GOLGA2: variants seen among roughly 807,000 people sequenced by gnomAD.
The protein encoded by GOLGA2 is golgin subfamily A member 2.
Under a neutral mutation model 148.8 loss-of-function variants are expected in GOLGA2, and 49 were observed. That is an observed-to-expected ratio of 0.33 (90% confidence interval 0.26 to 0.42). GOLGA2 has a LOEUF of 0.42. Among genes scored for constraint, GOLGA2 ranks in the 10% least tolerant of loss-of-function variants. The pLI is 1.00. For missense variants in GOLGA2, 1,178 were observed against 1,304.6 expected (o/e 0.90, Z 1.49); for synonymous variants, 501 against 511.8 (o/e 0.98, Z 0.28).
chr9:128,275,484 G>T, intron 1 of GOLGA2: 1 of 1,305,012 alleles, frequency 7.7e-7, no homozygotes. Flanking sequence ...GGTCCGGTTT[G>T]GGGCGGCAGG....
chr9:128,258,434 G>A lies in GOLGA2; in HGVS notation c.2289+21C>T. On this transcript the variant is annotated intron_variant, in intron 22 of 26. Transcript: ENST00000611957. The surrounding 1 kb of genome is among the most constrained non-coding windows in gnomAD (Gnocchi z 6.6). The stretch of plus-strand genomic sequence containing the variant: ...CCACAGAGGGAGGCAGCAAAGGTTG[G>A]GGAGGGGGAGTCAGCCTCACCATGG... 3 of 1,596,412 alleles carry A rather than the reference G, an allele frequency of 1.9e-6. No homozygotes were observed. The highest frequency in any genetic ancestry group is 1.1e-5 in the South Asian group (1 of 90,542).
intron 12 of GOLGA2, 46 bp from the exon 13 acceptor site, chr9:128,263,138 C>A: frequency 8.0e-7 from 1 of 1,246,324 alleles, no homozygotes; most frequent in Non-Finnish European, 1.2e-6. Flanking sequence ...GGCAGAGGAG[C>A]AGCTGGCCAA....
In GOLGA2 at chr9:128,266,192, G is replaced by T; in HGVS notation, c.681+95C>A. The T allele has an allele frequency of 7.2e-7, 1 of 1,379,684 alleles. No homozygotes were observed. 85.5% of individuals were successfully genotyped at this position (1,379,684 alleles called of 1,614,324 possible). A position where few individuals can be genotyped will look rare whatever the true frequency, so the allele number is the denominator to read the frequency against. ...CTGGGGGGGTGAGCCTTCTTCCCCAGGCTGGGAGTGGGTGAGACGAGACTG... is the reference window on the plus strand; with the variant it reads ...CTGGGGGGGTGAGCCTTCTTCCCCATGCTGGGAGTGGGTGAGACGAGACTG... On this transcript the variant is annotated intron_variant, in intron 9 of 26. Coordinates refer to ENST00000611957, the MANE Select transcript of GOLGA2 (RefSeq NM_001366244.2). This position sits in a 1 kb window ranked among gnomAD's most constrained non-coding sequence, Gnocchi z 4.2.
In GOLGA2 at chr9:128,266,189, C is replaced by A; in HGVS notation, c.681+98G>T. 1 of 1,389,280 alleles carries A rather than the reference C, an allele frequency of 7.2e-7. No individual in the cohort carries two copies. The highest frequency in any genetic ancestry group is 1.2e-5 in the South Asian group (1 of 86,528). The allele number at this position is 1,389,280 out of a possible 1,614,324, so 86.1% of individuals were successfully genotyped here. A position where few individuals can be genotyped will look rare whatever the true frequency, so the allele number is the denominator to read the frequency against. ...AATCTGGGGGGGTGAGCCTTCTTCC[C>A]CAGGCTGGGAGTGGGTGAGACGAGA... On this transcript the variant is annotated intron_variant, in intron 9 of 26. Coordinates refer to ENST00000611957, the MANE Select transcript of GOLGA2 (RefSeq NM_001366244.2). This position sits in a 1 kb window ranked among gnomAD's most constrained non-coding sequence, Gnocchi z 4.2.
At position 128,260,583 on chromosome 9, in the gene GOLGA2, G is replaced by A; in HGVS notation, c.1640C>T (p.Ala547Val). The A allele has an allele frequency of 7.4e-6, 12 of 1,611,572 alleles. No homozygotes were observed. The highest frequency in any genetic ancestry group is 2.2e-5 in the South Asian group (2 of 91,074). ...CATGGTCTCCAGGATTTGCCTGCGCGCCTCCGCCTGCTCCCCCCAGAGCTC... is the reference window on the plus strand; with the variant it reads ...CATGGTCTCCAGGATTTGCCTGCGCACCTCCGCCTGCTCCCCCCAGAGCTC... ...AAELWGEQAEARRQILETMQN... is the reference protein window; with the variant it reads ...AAELWGEQAEVRRQILETMQN... The change falls in exon 18 of 27, where the codon GCG (alanine) becomes GTG (valine). Residue 547 changes from alanine to valine, a missense_variant. Coordinates refer to ENST00000611957, the MANE Select transcript of GOLGA2 (RefSeq NM_001366244.2). This position sits in a 1 kb window ranked among gnomAD's most constrained non-coding sequence, Gnocchi z 4.8.
chr9:128,257,323 C>G lies in GOLGA2; in HGVS notation c.2876-42G>C. The G allele has an allele frequency of 6.2e-7, 1 of 1,612,630 alleles. No individual in the cohort carries two copies. Among genetic ancestry groups the G allele is most frequent in the Non-Finnish European group, 8.5e-7 (1 of 1,179,632 alleles). On this transcript the variant is annotated intron_variant, in intron 26 of 26. Transcript: ENST00000611957. This position sits in a 1 kb window ranked among gnomAD's most constrained non-coding sequence, Gnocchi z 8.0. ...GCAGGGCTCTGAGTGCCACGCGAGC[C>G]CTCCCTTACTCCTGCCTGCCCACCC...
intron 5 of GOLGA2, 37 bp from the exon 6 acceptor site, chr9:128,268,034 G>GC (rs758858176): frequency 6.2e-7 from 1 of 1,604,730 alleles, no homozygotes; most frequent in Non-Finnish European, 8.5e-7. Flanking sequence ...GGTGCAGGTG[G>GC]CTCAATGGGA....
rs765163529 is a variant in GOLGA2, at chr9:128,260,203, AGCAATCAGCG to A, written c.1759-24_1759-15del. The A allele has an allele frequency of 4.4e-6, 7 of 1,578,360 alleles. No individual in the cohort carries two copies. In the African/African-American group the frequency reaches 9.4e-5, roughly 21 times the overall value. On this transcript the variant is annotated splice_polypyrimidine_tract_variant and intron_variant, in intron 18 of 26. Transcript: ENST00000611957. This position sits in a 1 kb window ranked among gnomAD's most constrained non-coding sequence, Gnocchi z 4.8. ...GTTCTCATTAGTCTGGACAGAGAGA[AGCAATCAGCG>A]GCCACCCACTGCAGCTGGAGACCCC...
At chr9:128,267,630 C>T in intron 6 of GOLGA2, 113 bp from the exon 7 acceptor site, 4 of 819,076 alleles carry the variant, frequency 4.9e-6, no homozygotes, top group Non-Finnish European at 8.3e-6. Flanking sequence ...CTTGGACCCT[C>T]TGTCCCGTAA....
At chr9:128,275,587 C>T (rs1831281656) in intron 1 of GOLGA2, 1 of 1,030,946 alleles carries the variant, frequency 9.7e-7, no homozygotes, top group African/African-American at 1.7e-5. Flanking sequence ...GGTCCTAGGT[C>T]CTTGGAGACG....
rs1373459698 is a variant in GOLGA2, at chr9:128,260,781, G to T, written c.1442C>A (p.Pro481His). The T allele has an allele frequency of 1.2e-6, 2 of 1,608,364 alleles. No homozygotes were observed. Among genetic ancestry groups the T allele is most frequent in the Non-Finnish European group, 8.5e-7 (1 of 1,177,484 alleles). ...CTCCACCTCGGAGGGCCCTGCTGGGGGCTCTGGGGGCGGGGGTTCAGCTGA... is the reference window on the plus strand; with the variant it reads ...CTCCACCTCGGAGGGCCCTGCTGGGTGCTCTGGGGGCGGGGGTTCAGCTGA... Reference protein sequence around the residue: ...NQMAEPPPPEPPAGPSEVEQQ... With the variant: ...NQMAEPPPPEHPAGPSEVEQQ... Residue 481 changes from proline (P) to histidine (H), a missense_variant, in exon 18 of 27, where the codon CCC (proline) becomes CAC (histidine). Transcript: ENST00000611957. The surrounding 1 kb of genome is among the most constrained non-coding windows in gnomAD (Gnocchi z 4.8).
At position 128,261,262 on chromosome 9, in the gene GOLGA2, G is replaced by A; in HGVS notation, c.1333-3C>T. 1 of 1,611,228 alleles carries A rather than the reference G, an allele frequency of 6.2e-7. No individual in the cohort carries two copies. On this transcript the variant is annotated splice_region_variant and splice_polypyrimidine_tract_variant and intron_variant, in intron 16 of 26. Transcript: ENST00000611957. This position sits in a 1 kb window ranked among gnomAD's most constrained non-coding sequence, Gnocchi z 5.7. ...TTCTCCTCTCTCAATGTGTGCACCT[G>A]CCCAAAGCACAGCAAGAAAGGGCCC...
At position 128,260,236 on chromosome 9, in the gene GOLGA2, C is replaced by G; in HGVS notation, c.1759-47G>C. On this transcript the variant is annotated intron_variant, in intron 18 of 26. Transcript: ENST00000611957. This position sits in a 1 kb window ranked among gnomAD's most constrained non-coding sequence, Gnocchi z 4.8. ...GCGGCCACCCACTGCAGCTGGAGACCCCAGAACTTGCTGCCTTGGTGTCTG... is the reference window on the plus strand; with the variant it reads ...GCGGCCACCCACTGCAGCTGGAGACGCCAGAACTTGCTGCCTTGGTGTCTG... 1 of 1,447,624 alleles carries G rather than the reference C, an allele frequency of 6.9e-7. No homozygotes were observed. The allele number at this position is 1,447,624 out of a possible 1,614,324, so 89.7% of individuals were successfully genotyped here. A position where few individuals can be genotyped will look rare whatever the true frequency, so the allele number is the denominator to read the frequency against.
At chr9:128,263,750 CA>C (rs1830420164) in intron 12 of GOLGA2, among the ~76,000 whole-genome samples, 1 of 151,618 alleles carries the variant, frequency 6.6e-6, no homozygotes, top group African/African-American at 2.4e-5. Context: ...GAGGGGGTTT[CA>C]ACATGTTGGC....
In GOLGA2 at chr9:128,259,015, G is replaced by T. The variant is rs1046440240; in HGVS notation, c.2165C>A (p.Pro722His). ...LRAQLSLMAH[P>H]GEGDGLDREE... ...TGAGCAGGTTCCCGTACCTTCCCCA[G>T]GGTGAGCCATGAGGCTCAACTGGGC... is the stretch of plus-strand genomic sequence containing the variant. Residue 722 changes from proline to histidine, a missense_variant, in exon 21 of 27, where the codon CCT becomes CAT. Around this residue, in one of 5 missense-constraint regions of GOLGA2, gnomAD observed 529 missense variants for 521.8 expected, o/e 1.01. Coordinates refer to ENST00000611957, the MANE Select transcript of GOLGA2 (RefSeq NM_001366244.2). The T allele has an allele frequency of 1.9e-6, 3 of 1,594,880 alleles. No homozygotes were observed. In the East Asian group the frequency reaches 6.7e-5, roughly 36 times the overall value.
chr9:128,270,312 A>G (rs983198963), intron 3 of GOLGA2, among the ~76,000 whole-genome samples: 3 of 151,860 alleles, frequency 2.0e-5, no homozygotes, highest in Non-Finnish European at 4.4e-5. Flanking sequence ...TTGTATTTTT[A>G]GTAGAGATGG....
intron 13 of GOLGA2, 162 bp downstream of exon 13, chr9:128,262,872 G>A (rs1237975579): frequency 3.7e-6 from 3 of 800,720 alleles, no homozygotes; most frequent in Non-Finnish European, 6.3e-6. Flanking sequence ...GTTACCCAAG[G>A]CTACACCATG....
At chr9:128,262,874 TAC>T in intron 13 of GOLGA2, 158 bp downstream of exon 13, 1 of 802,212 alleles carries the variant, frequency 1.2e-6, no homozygotes, top group Non-Finnish European at 2.1e-6. Flanking sequence ...TACCCAAGGC[TAC>T]ACCATGAGTC....
chr9:128,267,660 C>A, intron 6 of GOLGA2, 143 bp from the exon 7 acceptor site: 1 of 700,612 alleles, frequency 1.4e-6, no homozygotes, highest in East Asian at 2.7e-5. Flanking sequence ...GCCAACTTCT[C>A]TCATGGTTCT....
Sources: allele counts gnomAD v4.1 joint callset (sites outside exome capture counted in the v4.1 genomes callset), GRCh38; gene constraint gnomAD v4.1.1; regional missense constraint gnomAD v4.1.1; non-coding constraint Gnocchi (gnomAD v3.1); transcripts MANE v1.5; gene names NCBI Gene and HGNC (gene_info 2026-07-23, HGNC 2026-07-21).